Variants in ADCY2 observed in about 807,000 individuals in gnomAD.
The protein encoded by ADCY2 is adenylate cyclase 2.
Under a neutral mutation model 125.2 loss-of-function variants are expected in ADCY2, and 31 were observed. That is an observed-to-expected ratio of 0.25 (90% confidence interval 0.19 to 0.33). ADCY2 has a LOEUF of 0.33. Among genes scored for constraint, ADCY2 ranks in the 10% least tolerant of loss-of-function variants. ADCY2 has a pLI of 1.00. For synonymous variants in ADCY2, 512 were observed against 548.4 expected (o/e 0.93, Z 0.93); for missense variants, 904 against 1,418.2 (o/e 0.64, Z 5.82).
At chr5:7,512,782 T>G (rs927870183) in intron 2 of ADCY2, among the ~76,000 whole-genome samples, 1 of 152,104 alleles carries the variant, frequency 6.6e-6, no homozygotes, top group African/African-American at 2.4e-5. Flanking sequence ...CAGCCCCATG[T>G]GAAGTTCTGT....
intron 3 of ADCY2, among the ~76,000 whole-genome samples, chr5:7,621,572 C>T (rs993059908): frequency 2.0e-5 from 3 of 152,122 alleles, no homozygotes; most frequent in Non-Finnish European, 2.9e-5. Flanking sequence ...ATTGTTTGTA[C>T]CTTTTGTTGC....
In ADCY2 at chr5:7,829,361, A is replaced by T. The variant is rs558196180; in HGVS notation, c.*2490A>T. On this transcript the variant is annotated 3_prime_UTR_variant, in exon 25 of 25. Transcript: ENST00000338316. ...TTCAGGCACATGTGTTCAGAGTTCC[A>T]CAGTTGATTAGCAGTTGAGGCCAGG... 1 of 152,730 alleles carries T rather than the reference A, an allele frequency of 6.5e-6. No homozygotes were observed. The highest frequency in any genetic ancestry group is 6.5e-5 in the Admixed American group (1 of 15,298). 9.5% of individuals were successfully genotyped at this position (152,730 alleles called of 1,614,324 possible). A position where few individuals can be genotyped will look rare whatever the true frequency, so the allele number is the denominator to read the frequency against.
rs1280307658 is a variant in ADCY2, at chr5:7,568,050, C to T, written c.570+47151C>T. ...GTTCTATCCATTTAAGAGAAAACAA[C>T]ATTCTGGGTTTTGTTTTTAATAGTT... On this transcript the variant is annotated intron_variant, in intron 3 of 24. Transcript: ENST00000338316. Among the ~76,000 whole-genome samples the T allele has an allele frequency of 3.3e-5, 5 of 151,944 alleles. No individual in the cohort carries two copies. The East Asian group carries it at 9.7e-4, about 29-fold the overall frequency.
chr5:7,824,652 G>A (rs918704235), intron 24 of ADCY2, among the ~76,000 whole-genome samples: 3 of 152,202 alleles, frequency 2.0e-5, no homozygotes, highest in African/African-American at 7.2e-5. Context: ...TGGCACCTGT[G>A]CCTCCTTTTC....
chr5:7,407,551 A>G (rs1432621701), intron 1 of ADCY2, among the ~76,000 whole-genome samples: 5 of 152,186 alleles, frequency 3.3e-5, no homozygotes, highest in Admixed American at 3.3e-4. Context: ...ACACACAGCC[A>G]AACCGTATCA....
chr5:7,689,072 G>A (rs1190508728), intron 4 of ADCY2, among the ~76,000 whole-genome samples: 2 of 152,150 alleles, frequency 1.3e-5, no homozygotes, highest in East Asian at 3.9e-4. Context: ...AAACCCCCTG[G>A]TTTTTTCAAG....
chr5:7,556,605 A>G (rs1735513841), intron 3 of ADCY2, among the ~76,000 whole-genome samples: 1 of 152,160 alleles, frequency 6.6e-6, no homozygotes, highest in Non-Finnish European at 1.5e-5. Context: ...GGAACTTTAG[A>G]CCAGGGGTCC....
chr5:7,782,512 G>A lies in ADCY2; in HGVS notation c.2385-1853G>A, dbSNP rs191071824. On this transcript the variant is annotated intron_variant, in intron 18 of 24. Transcript: ENST00000338316. Reference sequence around the variant, plus strand: ...AGTTAGAAATGCAAAGGGGACTTGCGTTCTGATTTGTTGCACTAATGAAGC... The same window carrying A: ...AGTTAGAAATGCAAAGGGGACTTGCATTCTGATTTGTTGCACTAATGAAGC... Among the ~76,000 whole-genome samples, 57 of 152,294 alleles carry A rather than the reference G, an allele frequency of 3.7e-4. 1 individual carries two copies. Among genetic ancestry groups the A allele is most frequent in the Admixed American group, 3.3e-3 (51 of 15,288 alleles).
chr5:7,777,778 A>G (rs1000958261), intron 18 of ADCY2, among the ~76,000 whole-genome samples: 2 of 152,238 alleles, frequency 1.3e-5, no homozygotes, highest in African/African-American at 2.4e-5. Flanking sequence ...AAAACTTCGT[A>G]TCGATGAATA....
intron 12 of ADCY2, among the ~76,000 whole-genome samples, chr5:7,722,884 C>T (rs868466747): frequency 1.1e-4 from 15 of 142,356 alleles, no homozygotes; most frequent in African/African-American, 3.2e-4. Flanking sequence ...CGCTTGAACC[C>T]GGGAGGCAGA....
chr5:7,823,484 C>G (rs1389970493), intron 24 of ADCY2, among the ~76,000 whole-genome samples: 1 of 152,154 alleles, frequency 6.6e-6, no homozygotes, highest in Non-Finnish European at 1.5e-5. Flanking sequence ...CTAGTCTAAT[C>G]ATTTTCTGAT....
chr5:7,665,351 C>A (rs749074377), intron 4 of ADCY2, among the ~76,000 whole-genome samples: 4 of 152,174 alleles, frequency 2.6e-5, no homozygotes, highest in Admixed American at 2.6e-4. Context: ...CCAGACCTTT[C>A]AATCCAGCCA....
chr5:7,617,803 T>C (rs1737815646), intron 3 of ADCY2, among the ~76,000 whole-genome samples: 1 of 151,616 alleles, frequency 6.6e-6, no homozygotes, highest in South Asian at 2.1e-4. Context: ...GTGGGGAGAG[T>C]GCTTTTGAGT....
intron 4 of ADCY2, among the ~76,000 whole-genome samples, chr5:7,653,718 G>A (rs1009099015): frequency 1.7e-4 from 26 of 152,110 alleles, no homozygotes; most frequent in African/African-American, 6.3e-4. Context: ...AAAACAGTGA[G>A]GATACTGATC....
chr5:7,719,414 T>G (rs1350025740), intron 12 of ADCY2, among the ~76,000 whole-genome samples: 2 of 152,212 alleles, frequency 1.3e-5, no homozygotes, highest in African/African-American at 4.8e-5. Context: ...CAGTTACACT[T>G]TGTTATGCCT....
intron 3 of ADCY2, among the ~76,000 whole-genome samples, chr5:7,585,657 A>T (rs1736605270): frequency 6.6e-6 from 1 of 152,212 alleles, no homozygotes; most frequent in Non-Finnish European, 1.5e-5. Flanking sequence ...ACCATGATGC[A>T]ACTAACATCA....
chr5:7,444,056 C>T (rs1741126207), intron 2 of ADCY2, among the ~76,000 whole-genome samples: 1 of 151,392 alleles, frequency 6.6e-6, no homozygotes, highest in Non-Finnish European at 1.5e-5. Flanking sequence ...TATTTTTGTC[C>T]TGTTCTCTTC....
chr5:7,753,414 A>G (rs1418518950), intron 15 of ADCY2, among the ~76,000 whole-genome samples: 2 of 152,228 alleles, frequency 1.3e-5, no homozygotes, highest in Non-Finnish European at 1.5e-5. Flanking sequence ...GAGTTAAACC[A>G]AAGATCAAAG....
intron 20 of ADCY2, chr5:7,794,634 G>C (rs779156645): frequency 6.6e-6 from 1 of 152,144 alleles, no homozygotes; most frequent in Non-Finnish European, 1.5e-5. Context: ...GGTGTTATAA[G>C]AAGAGCCACC....
Sources: allele counts gnomAD v4.1 joint callset (sites outside exome capture counted in the v4.1 genomes callset), GRCh38; gene constraint gnomAD v4.1.1; transcripts MANE v1.5; gene names NCBI Gene and HGNC (gene_info 2026-07-23, HGNC 2026-07-21).